TRIM36: variants seen among roughly 807,000 people sequenced by gnomAD.
The protein encoded by TRIM36 is E3 ubiquitin-protein ligase TRIM36.
In TRIM36, 42 loss-of-function variants were observed where a neutral mutation model predicts 72.4. The ratio of observed to expected loss-of-function variants is 0.58; its 90% CI spans 0.45 to 0.75. The LOEUF (loss-of-function observed/expected upper bound fraction) is 0.75, where lower values mean the gene tolerates loss of function less well. TRIM36 is among the 30% of genes least tolerant of loss of function. The pLI, the probability that TRIM36 is intolerant of heterozygous loss-of-function variation, is 0.00. For synonymous variants in TRIM36, 315 were observed against 282.8 expected, an observed-to-expected ratio of 1.11 and a Z score of -1.14; for missense variants, 913 against 857.1, an observed-to-expected ratio of 1.07 and a Z score of -0.81.
At chr5:115,156,097 A>C (rs962742188) in intron 2 of TRIM36, among the ~76,000 whole-genome samples, 1 of 152,096 alleles carries the variant, frequency 6.6e-6, no homozygotes, top group African/African-American at 2.4e-5. Context: ...TTAGGAATAT[A>C]CTCAACCAAG....
chr5:115,162,553 G>A (rs987546540), intron 2 of TRIM36, among the ~76,000 whole-genome samples: 1 of 152,212 alleles, frequency 6.6e-6, no homozygotes, highest in Non-Finnish European at 1.5e-5. Context: ...ACAGAATTTT[G>A]TGAAATATGT....
chr5:115,163,257 T>G (rs917110115), intron 2 of TRIM36, among the ~76,000 whole-genome samples: 4 of 152,174 alleles, frequency 2.6e-5, no homozygotes, highest in African/African-American at 4.8e-5. Flanking sequence ...GTGCCCAGAC[T>G]TACAAACACA....
chr5:115,164,242 T>C (rs563805433), intron 1 of TRIM36, among the ~76,000 whole-genome samples: 36 of 152,228 alleles, frequency 2.4e-4, no homozygotes, highest in Non-Finnish European at 4.6e-4. Flanking sequence ...GGTATCTATT[T>C]ACAAGCTGAA....
At chr5:115,131,033 AC>A in intron 8 of TRIM36, 144 bp from the exon 9 acceptor site, 1 of 836,986 alleles carries the variant, frequency 1.2e-6, no homozygotes, top group Non-Finnish European at 1.8e-6. Context: ...ACTATGACAA[AC>A]CAAAACCCAA....
At position 115,167,254 on chromosome 5, in the gene TRIM36, C is replaced by G. The variant is rs942059391; in HGVS notation, c.27+2354G>C. Among the ~76,000 whole-genome samples, 6 of 152,322 alleles carry G rather than the reference C, an allele frequency of 3.9e-5. No homozygotes were observed. The East Asian group carries it at 9.7e-4, about 25-fold the overall frequency. On this transcript the variant is annotated intron_variant, in intron 1 of 9. Transcript: ENST00000513154. Reference sequence around the variant, plus strand: ...AGGCCTCCAGGCCTGTGATGGGGCTCTCTTCATTAATGCACCTGTTTGGCC... The same window carrying G: ...AGGCCTCCAGGCCTGTGATGGGGCTGTCTTCATTAATGCACCTGTTTGGCC...
At chr5:115,151,726 C>G (rs1313857777) in intron 2 of TRIM36, among the ~76,000 whole-genome samples, 1 of 152,162 alleles carries the variant, frequency 6.6e-6, no homozygotes, top group East Asian at 1.9e-4. Flanking sequence ...CAGACAACAC[C>G]CAATACCAGC....
chr5:115,148,014 C>T (rs1753685035), intron 2 of TRIM36, among the ~76,000 whole-genome samples: 1 of 152,122 alleles, frequency 6.6e-6, no homozygotes, highest in African/African-American at 2.4e-5. Context: ...AGAAGCTTTC[C>T]CACGTAGTAT....
rs560504139 is a variant in TRIM36 at position 115,168,078 on chromosome 5, C to T, written c.27+1530G>A. 3.3e-5 allele frequency among the ~76,000 whole-genome samples: 5 copies of T among 152,270 alleles called. No individual in the cohort carries two copies. In the East Asian group the frequency reaches 7.7e-4, roughly 24 times the overall value. On this transcript the variant is annotated intron_variant, in intron 1 of 9. Transcript: ENST00000513154. ...CGAAAACAGCATGGGGGAAACCACT[C>T]CCACGATCCAATCACCTCCCACCAG...
chr5:115,161,269 C>T (rs984958057), intron 2 of TRIM36, among the ~76,000 whole-genome samples: 12 of 152,036 alleles, frequency 7.9e-5, no homozygotes, highest in Non-Finnish European at 1.2e-4. Context: ...TGGTAACCAG[C>T]AGGTGCTCAA....
chr5:115,165,948 T>C (rs1754752022), intron 1 of TRIM36, among the ~76,000 whole-genome samples: 1 of 152,078 alleles, frequency 6.6e-6, no homozygotes, highest in African/African-American at 2.4e-5. Context: ...CTTGAGGAGA[T>C]GCTGACACAC....
At chr5:115,151,919 G>A (rs73780076) in intron 2 of TRIM36, among the ~76,000 whole-genome samples, 2,278 of 152,232 alleles carry the variant, frequency 0.015, 41 homozygotes, top group African/African-American at 0.045. Context: ...AGAGCCTACC[G>A]AAATGGGAAG....
At chr5:115,150,691 G>A (rs1274536550) in intron 2 of TRIM36, among the ~76,000 whole-genome samples, 2 of 152,198 alleles carry the variant, frequency 1.3e-5, no homozygotes, top group Non-Finnish European at 2.9e-5. Context: ...TACAGGACCT[G>A]GGAGACACGC....
intron 9 of TRIM36, among the ~76,000 whole-genome samples, chr5:115,129,845 G>C (rs1039442069): frequency 2.0e-5 from 3 of 151,850 alleles, no homozygotes; most frequent in African/African-American, 7.3e-5. Context: ...ATATATTTTG[G>C]ATAATACTGC....
Position 115,140,934 on chromosome 5 carries a change from T to A in TRIM36, c.831+345A>T, listed in dbSNP as rs1184954061. The stretch of plus-strand genomic sequence containing the variant: ...CTGCATACAGCACATTTTCCAAAAG[T>A]GATCTATTAATTTTTTAAAATATAA... On this transcript the variant is annotated intron_variant, in intron 5 of 9. Coordinates refer to ENST00000513154, the MANE Select transcript of TRIM36 (RefSeq NM_001300759.2). 2.0e-5 allele frequency among the ~76,000 whole-genome samples: 3 copies of A among 152,196 alleles called. No homozygotes were observed. The East Asian group carries it at 5.8e-4, about 29-fold the overall frequency.
intron 1 of TRIM36, among the ~76,000 whole-genome samples, chr5:115,168,104 G>A (rs1002099997): frequency 6.6e-6 from 1 of 152,056 alleles, no homozygotes; most frequent in Admixed American, 6.5e-5. Flanking sequence ...CTCCCACCAG[G>A]TCTCTCCCTC....
chr5:115,130,933 G>C, intron 8 of TRIM36, 44 bp from the exon 9 acceptor site: 1 of 1,552,690 alleles, frequency 6.4e-7, no homozygotes, highest in Non-Finnish European at 8.7e-7. Flanking sequence ...AATTATCATT[G>C]CTCTAGTTTG....
At chr5:115,147,044 C>T in intron 3 of TRIM36, 25 bp downstream of exon 3, 2 of 1,564,162 alleles carry the variant, frequency 1.3e-6, no homozygotes, top group East Asian at 2.3e-5. Flanking sequence ...AAATAACATT[C>T]TAACTTAATA....
chr5:115,143,157 T>C (rs1288712915), intron 4 of TRIM36, among the ~76,000 whole-genome samples: 2 of 135,130 alleles, frequency 1.5e-5, no homozygotes, highest in East Asian at 4.4e-4. Context: ...ACCCTACAGG[T>C]TCAAGGAAAC....
intron 3 of TRIM36, among the ~76,000 whole-genome samples, chr5:115,145,671 C>T (rs76319040): frequency 0.037 from 5,683 of 152,304 alleles, 147 homozygotes; most frequent in Non-Finnish European, 0.054. Context: ...GGATCACAGG[C>T]ATGTGCCACC....
Sources: allele counts gnomAD v4.1 joint callset (sites outside exome capture counted in the v4.1 genomes callset), GRCh38; gene constraint gnomAD v4.1.1; transcripts MANE v1.5; gene names NCBI Gene and HGNC (gene_info 2026-07-23, HGNC 2026-07-21).